The following PAH variants were observed in gnomAD, a reference collection of about 807,000 sequenced individuals.
The protein encoded by PAH is phenylalanine hydroxylase, also known as phenylalanine-4-hydroxylase.
A neutral mutation model predicts 62.0 loss-of-function variants in PAH; 64 were observed. The ratio of observed to expected loss-of-function variants is 1.03; its 90% CI spans 0.84 to 1.27. The LOEUF (loss-of-function observed/expected upper bound fraction) is 1.27, where lower values mean the gene tolerates loss of function less well. Ranked by LOEUF, PAH falls within the 50% of genes most tolerant of loss-of-function variation. The probability of loss-of-function intolerance (pLI) is 0.00; values close to 1 mark genes in which losing one functional copy is unlikely to be tolerated. For missense variants in PAH, 579 were observed against 542.8 expected (o/e 1.07, Z -0.66); for synonymous variants, 195 against 196.2 (o/e 0.99, Z 0.05).
intron 2 of PAH, among the ~76,000 whole-genome samples, chr12:102,898,715 C>A (rs534789790): frequency 8.4e-4 from 128 of 152,314 alleles, no homozygotes; most frequent in Non-Finnish European, 1.2e-3. Flanking sequence ...TGCTTGGCCG[C>A]AAGTAGCTAG....
intron 3 of PAH, among the ~76,000 whole-genome samples, chr12:102,882,158 T>C (rs1010439245): frequency 6.6e-6 from 1 of 152,194 alleles, no homozygotes. Context: ...CAACATGCTA[T>C]TTACTATGAA....
rs199475652 is a variant in PAH at position 102,855,332 on chromosome 12, A to C, written c.510T>G (p.His170Gln). ...QFADIAYNYR[H>Q]GQPIPRVEYM... ...ATTCCACTCGAGGGATGGGCTGCCC[A>C]CTAGAATACAGGCACAAAATAGGTG... The change falls in exon 6 of 13, where the codon CAT becomes CAG. Residue 170 changes from histidine (H) to glutamine (Q), a missense_variant and splice_region_variant. Transcript: ENST00000553106. 2.2e-5 allele frequency: 36 copies of C among 1,613,908 alleles called. No individual in the cohort carries two copies. The highest frequency in any genetic ancestry group is 3.1e-5 in the Non-Finnish European group (36 of 1,179,940).
intron 12 of PAH, 43 bp downstream of exon 12, chr12:102,840,357 T>C (rs752452279): frequency 1.7e-6 from 2 of 1,152,644 alleles, no homozygotes; most frequent in Non-Finnish European, 2.6e-6. Flanking sequence ...CAGTCTTCGA[T>C]TACTGAGAAA....
intron 9 of PAH, among the ~76,000 whole-genome samples, chr12:102,845,678 TG>T (rs1874807800): frequency 6.6e-6 from 1 of 152,112 alleles, no homozygotes; most frequent in Non-Finnish European, 1.5e-5. Context: ...ATCTGTTTAT[TG>T]GACTAGAAAA....
chr12:102,865,433 G>GA (rs1875913607), intron 5 of PAH, among the ~76,000 whole-genome samples: 1 of 152,142 alleles, frequency 6.6e-6, no homozygotes, highest in Admixed American at 6.6e-5. Flanking sequence ...TACCCCATCA[G>GA]AAAAATGAGA....
chr12:102,871,949 A>T lies in PAH; in HGVS notation c.442-5286T>A, dbSNP rs7295778. On this transcript the variant is annotated intron_variant, in intron 4 of 12. Coordinates refer to ENST00000553106, the MANE Select transcript of PAH (RefSeq NM_000277.3). ...AAAAAAAAAAAAAAAAAAAAAAAAA[A>T]ATATATATATATATATATATATATA... is the stretch of plus-strand genomic sequence containing the variant. Among the ~76,000 whole-genome samples, 178 of 30,084 alleles carry T rather than the reference A, an allele frequency of 5.9e-3. 3 individuals carry two copies. Among genetic ancestry groups the T allele is most frequent in the African/African-American group, 0.027 (165 of 6,060 alleles). 19.7% of individuals were successfully genotyped at this position (30,084 alleles called of 152,430 possible).
At chr12:102,958,243 G>A in exon 1 of PAH, 1 of 1,468,102 alleles carries the variant, frequency 6.8e-7, no homozygotes. Flanking sequence ...CCGCCGCTGC[G>A]CATGGAAAGC....
upstream of PAH, among the ~76,000 whole-genome samples, chr12:102,919,942 CT>C (rs1207677590): frequency 1.3e-5 from 2 of 152,054 alleles, no homozygotes; most frequent in African/African-American, 4.8e-5. Flanking sequence ...TACTGATTTC[CT>C]TTCTTATAGG....
chr12:102,906,106 GA>G (rs1407251209), intron 2 of PAH, among the ~76,000 whole-genome samples: 1 of 152,074 alleles, frequency 6.6e-6, no homozygotes, highest in Non-Finnish European at 1.5e-5. Context: ...TAAATGTTAT[GA>G]AATATGACCT....
At position 102,855,139 on chromosome 12, in the gene PAH, G is replaced by A. The variant is rs1237792711; in HGVS notation, c.703C>T (p.Gln235Ter). 1 of 1,613,104 alleles carries A rather than the reference G, an allele frequency of 6.2e-7. No homozygotes were observed. The highest frequency in any genetic ancestry group is 1.3e-5 in the African/African-American group (1 of 74,988). Residue 235 changes from glutamine to a stop codon, truncating the protein, a stop_gained, in exon 6 of 13, where the codon CAG becomes TAG. Coordinates refer to ENST00000553106, the MANE Select transcript of PAH (RefSeq NM_000277.3). LOFTEE classifies it high-confidence loss of function. Reference protein sequence around the residue: ...PQLEDVSQFLQTCTGFRLRPV... With the variant: ...PQLEDVSQFL ...ATTGACCCTGATGTGGACTTACTCT[G>A]CAGGAACTGAGAAACGTCTTCCAGC...
intron 1 of PAH, among the ~76,000 whole-genome samples, chr12:102,929,704 G>A (rs923811583): frequency 1.3e-5 from 2 of 152,136 alleles, no homozygotes; most frequent in Non-Finnish European, 2.9e-5. Flanking sequence ...GGTGAGAAAT[G>A]GCCATGATGC....
upstream of PAH, among the ~76,000 whole-genome samples, chr12:102,954,771 C>T (rs1159350290): frequency 1.3e-5 from 2 of 152,136 alleles, no homozygotes; most frequent in Non-Finnish European, 2.9e-5. Flanking sequence ...GTGAAAACAA[C>T]CAGAAAGCCA....
At chr12:102,953,528 T>TCAGGGCA (rs1281335856), upstream of PAH, 4 of 152,164 alleles carry the variant, frequency 2.6e-5, no homozygotes, top group African/African-American at 9.7e-5. Flanking sequence ...GGCAGGAGAC[T>TCAGGGCA]CAGGGCACAG....
intron 1 of PAH, chr12:102,958,158 C>G: frequency 9.5e-7 from 1 of 1,057,336 alleles, no homozygotes; most frequent in Non-Finnish European, 1.3e-6. Flanking sequence ...GTTCCTGCAC[C>G]CAAGTTCTCT....
intron 2 of PAH, chr12:102,904,714 G>A (rs758809648): frequency 4.0e-6 from 2 of 497,964 alleles, no homozygotes; most frequent in Non-Finnish European, 7.9e-6. Flanking sequence ...GAAATGTGTT[G>A]TAAACTGCAC....
At chr12:102,863,364 G>T (rs1192367377) in intron 5 of PAH, among the ~76,000 whole-genome samples, 1 of 152,096 alleles carries the variant, frequency 6.6e-6, no homozygotes, top group African/African-American at 2.4e-5. Flanking sequence ...TGCTGTTCTA[G>T]GGACTCAACA....
chr12:102,848,250 A>G (rs1004885479), intron 8 of PAH, among the ~76,000 whole-genome samples: 2 of 151,128 alleles, frequency 1.3e-5, no homozygotes, highest in Non-Finnish European at 2.9e-5. Flanking sequence ...AGGAGACTGA[A>G]GGGGTTGAGG....
At chr12:102,954,500 C>T (rs1181859261), upstream of PAH, among the ~76,000 whole-genome samples, 1 of 152,202 alleles carries the variant, frequency 6.6e-6, no homozygotes, top group Non-Finnish European at 1.5e-5. Context: ...AGTCTCACAA[C>T]TCTTGGAGGT....
intron 1 of PAH, among the ~76,000 whole-genome samples, chr12:102,929,815 A>G (rs759957491): frequency 5.3e-5 from 8 of 152,202 alleles, no homozygotes; most frequent in Admixed American, 3.9e-4. Flanking sequence ...GATATGAGCC[A>G]GCATGAGAAA....
Sources: allele counts gnomAD v4.1 joint callset (sites outside exome capture counted in the v4.1 genomes callset), GRCh38; gene constraint gnomAD v4.1.1; transcripts MANE v1.5; gene names NCBI Gene and HGNC (gene_info 2026-07-23, HGNC 2026-07-21).